KSR1: variants seen among roughly 807,000 people sequenced by gnomAD.
The protein encoded by KSR1 is kinase suppressor of ras 1, also known as kinase suppressor of ras.
Under a neutral mutation model 92.9 loss-of-function variants are expected in KSR1, and 35 were observed. That is an observed-to-expected ratio of 0.38 (90% CI 0.29 to 0.50). The LOEUF is 0.50. KSR1 is among the 20% of genes least tolerant of loss of function. KSR1 has a pLI of 0.94. For synonymous variants in KSR1, 467 were observed against 472.6 expected (o/e 0.99, Z 0.15); for missense variants, 972 against 1,158.5 (o/e 0.84, Z 2.34).
chr17:27,520,579 C>T (rs957566474), intron 1 of KSR1, among the ~76,000 whole-genome samples: 1 of 152,238 alleles, frequency 6.6e-6, no homozygotes, highest in African/African-American at 2.4e-5. Flanking sequence ...GTGCCACCAG[C>T]CCTGAAGTCT....
intron 1 of KSR1, among the ~76,000 whole-genome samples, chr17:27,489,027 A>G (rs2068747026): frequency 6.6e-6 from 1 of 152,230 alleles, no homozygotes; most frequent in African/African-American, 2.4e-5. Context: ...AGTCCTTTCC[A>G]GAGCAATACA....
chr17:27,599,819 T>G (rs1013077323), intron 10 of KSR1, among the ~76,000 whole-genome samples: 10 of 151,572 alleles, frequency 6.6e-5, no homozygotes, highest in Non-Finnish European at 1.0e-4. Context: ...GTACAAAAAC[T>G]TTTTTTTTGA....
At chr17:27,533,007 T>G (rs543032640) in intron 1 of KSR1, among the ~76,000 whole-genome samples, 10 of 152,330 alleles carry the variant, frequency 6.6e-5, no homozygotes, top group Admixed American at 5.2e-4. Flanking sequence ...CTGAGTCCTT[T>G]TTTATAAATG....
At chr17:27,467,258 T>G (rs1476931190) in intron 1 of KSR1, among the ~76,000 whole-genome samples, 1 of 152,232 alleles carries the variant, frequency 6.6e-6, no homozygotes, top group Admixed American at 6.5e-5. Context: ...TCTGTTAGCA[T>G]AGGATAATTT....
At position 27,605,424 on chromosome 17, in the gene KSR1, C is replaced by T. The variant is rs769999441; in HGVS notation, c.1615-10C>T. The T allele has an allele frequency of 6.2e-7, 1 of 1,606,200 alleles. No homozygotes were observed. The highest frequency in any genetic ancestry group is 8.5e-7 in the Non-Finnish European group (1 of 1,178,402). On this transcript the variant is annotated splice_polypyrimidine_tract_variant and intron_variant, in intron 13 of 20. Transcript: ENST00000644974. ...GCTGCCCATCCCTGTTCTTCCTGCT[C>T]TCCTTTCAGGCTGAGGAGCCAGAGG...
chr17:27,590,971 C>A, intron 7 of KSR1, 77 bp downstream of exon 7: 1 of 1,239,024 alleles, frequency 8.1e-7, no homozygotes, highest in Non-Finnish European at 1.2e-6. Flanking sequence ...CCTATGCTTG[C>A]TATTCATAGT....
rs138091395 is a variant in KSR1 at position 27,572,785 on chromosome 17, C to T, written c.373-4707C>T. ...GGCTGTGCCTGTCACTGTGGGTGGG[C>T]GAGTCACATCCATGTGTGAGGTTTC... On this transcript the variant is annotated intron_variant, in intron 2 of 20. Transcript: ENST00000644974. 4.5e-3 allele frequency among the ~76,000 whole-genome samples: 683 copies of T among 152,290 alleles called. 4 individuals are homozygous for T. Among genetic ancestry groups the T allele is most frequent in the African/African-American group, 0.016 (656 of 41,548 alleles).
chr17:27,563,596 C>T (rs921371588), intron 2 of KSR1, among the ~76,000 whole-genome samples: 3 of 152,136 alleles, frequency 2.0e-5, no homozygotes, highest in Admixed American at 1.3e-4. Context: ...TGTCTTGTTA[C>T]GCTTAGCACA....
At chr17:27,543,566 G>A (rs1274967939) in intron 1 of KSR1, among the ~76,000 whole-genome samples, 2 of 152,158 alleles carry the variant, frequency 1.3e-5, no homozygotes, top group African/African-American at 4.8e-5. Context: ...TGCTCTCCAG[G>A]GATGTCTGAC....
Position 27,597,319 on chromosome 17 carries a change from A to G in KSR1, c.1351A>G (p.Thr451Ala). 6.2e-7 allele frequency: 1 copy of G among 1,608,622 alleles called. No individual in the cohort carries two copies. The change falls in exon 10 of 21, where the codon ACC becomes GCC. Residue 451 changes from threonine (T) to alanine (A), a missense_variant. Coordinates refer to ENST00000644974, the MANE Select transcript of KSR1 (RefSeq NM_001394583.1). ...GGACTCCAGCAGCAACCCTTCCTCCACCACCTCCTCCACACCCTCCTCACC... is the reference window on the plus strand; with the variant it reads ...GGACTCCAGCAGCAACCCTTCCTCCGCCACCTCCTCCACACCCTCCTCACC... Reference protein sequence around the residue: ...HLDSSSNPSSTTSSTPSSPAP... With the variant: ...HLDSSSNPSSATSSTPSSPAP...
chr17:27,560,245 T>C, intron 2 of KSR1: 1 of 372,110 alleles, frequency 2.7e-6, no homozygotes, highest in Non-Finnish European at 5.2e-6. Flanking sequence ...GGGGAAATGA[T>C]TTCAGAGCCT....
At chr17:27,578,552 A>G (rs891014617) in intron 3 of KSR1, 1 of 152,272 alleles carries the variant, frequency 6.6e-6, no homozygotes, top group Non-Finnish European at 1.5e-5. Context: ...GACTGAGCTC[A>G]GAGAGGGAAA....
chr17:27,609,294 G>T lies in KSR1; in HGVS notation c.2190G>T (p.Gly730=), dbSNP rs1251660674. ...DNGKVVITDF[G]LFGISGVVRE... ...GCAAGGTGGTCATCACAGACTTCGG[G>T]CTGTTTGGGATCTCAGGCGTGGTCC... The change falls in exon 16 of 21, where the codon GGG becomes GGT. Residue 730 remains glycine (G), a synonymous_variant. Transcript: ENST00000644974. 1 of 1,613,890 alleles carries T rather than the reference G, an allele frequency of 6.2e-7. No homozygotes were observed. Among genetic ancestry groups the T allele is most frequent in the Non-Finnish European group, 8.5e-7 (1 of 1,179,902 alleles).
At chr17:27,476,156 G>A (rs941543466) in intron 1 of KSR1, among the ~76,000 whole-genome samples, 37 of 152,232 alleles carry the variant, frequency 2.4e-4, no homozygotes, top group African/African-American at 8.2e-4. Flanking sequence ...CTCCTGCCCC[G>A]GGGGGACCAT....
At chr17:27,585,578 C>T (rs564570860) in intron 4 of KSR1, 79 bp from the exon 5 acceptor site, 16 of 723,550 alleles carry the variant, frequency 2.2e-5, no homozygotes, top group East Asian at 1.1e-4. Context: ...TGCCTGCTCC[C>T]GCCCAAGGGT....
At chr17:27,593,197 C>T (rs1036301532) in intron 9 of KSR1, among the ~76,000 whole-genome samples, 1 of 152,250 alleles carries the variant, frequency 6.6e-6, no homozygotes, top group South Asian at 2.1e-4. Flanking sequence ...CTGAGGCAGA[C>T]GGGTGTCCTC....
chr17:27,489,468 C>G (rs1431115178), intron 1 of KSR1, among the ~76,000 whole-genome samples: 1 of 152,180 alleles, frequency 6.6e-6, no homozygotes, highest in East Asian at 1.9e-4. Context: ...TTTGCTTGCT[C>G]CATCTGCCAC....
chr17:27,531,988 T>G (rs1224834060), intron 1 of KSR1, among the ~76,000 whole-genome samples: 2 of 152,014 alleles, frequency 1.3e-5, no homozygotes, highest in African/African-American at 4.8e-5. Flanking sequence ...GGGGAAAGAG[T>G]GCTGGACAGA....
chr17:27,484,583 CAT>C (rs1456073449), intron 1 of KSR1, among the ~76,000 whole-genome samples: 1 of 151,840 alleles, frequency 6.6e-6, no homozygotes, highest in Non-Finnish European at 1.5e-5. Flanking sequence ...CATTCTGACA[CAT>C]GTCATGGGTA....
Sources: allele counts gnomAD v4.1 joint callset (sites outside exome capture counted in the v4.1 genomes callset), GRCh38; gene constraint gnomAD v4.1.1; transcripts MANE v1.5; gene names NCBI Gene and HGNC (gene_info 2026-07-23, HGNC 2026-07-21).